The following PPIL4 variants were observed in gnomAD, a reference collection of about 807,000 sequenced individuals.
PPIL4 encodes the protein peptidylprolyl isomerase like 4.
Under a neutral mutation model 69.1 loss-of-function variants are expected in PPIL4, and 50 were observed. That is an observed-to-expected ratio of 0.72 (90% CI 0.58 to 0.92). PPIL4 has a LOEUF of 0.92. PPIL4 is among the 40% of genes least tolerant of loss of function. PPIL4 has a pLI of 0.00. For synonymous variants in PPIL4, 193 were observed against 191.6 expected, an observed-to-expected ratio of 1.01 and a Z score of -0.06; for missense variants, 480 against 587.9, an observed-to-expected ratio of 0.82 and a Z score of 1.90.
At position 149,504,724 on chromosome 6, in the gene PPIL4, T is replaced by TACA. The variant is rs1776741657; in HGVS notation, c.*726_*728dup. The TACA allele has an allele frequency of 1.3e-5, 2 of 152,180 alleles. No individual in the cohort carries two copies. Among genetic ancestry groups the TACA allele is most frequent in the Admixed American group, 6.5e-5 (1 of 15,278 alleles). The allele number at this position is 152,180 out of a possible 1,614,324, so 9.4% of individuals were successfully genotyped here. On this transcript the variant is annotated 3_prime_UTR_variant, in exon 13 of 13. Transcript: ENST00000253329. ...CAGTGCCAAGAGAGGTATAAACTAG[T>TACA]ACAGTCACTTCAGAACACAAATTTG...
intron 7 of PPIL4, among the ~76,000 whole-genome samples, chr6:149,528,153 G>T (rs147051063): frequency 1.8e-4 from 28 of 152,260 alleles, no homozygotes; most frequent in African/African-American, 6.7e-4. Context: ...TCAGAAGGTT[G>T]GATGGACTGC....
intron 1 of PPIL4, among the ~76,000 whole-genome samples, chr6:149,544,750 T>C (rs1350808117): frequency 1.3e-5 from 2 of 152,126 alleles, no homozygotes; most frequent in Non-Finnish European, 2.9e-5. Flanking sequence ...AGCAAAAGAA[T>C]GGTAACAATG....
Position 149,505,415 on chromosome 6 carries a change from G to A in PPIL4, c.*38C>T, listed in dbSNP as rs749724789. 20 of 1,581,672 alleles carry A rather than the reference G, an allele frequency of 1.3e-5. No homozygotes were observed. In the Admixed American group the frequency reaches 3.7e-4, roughly 29 times the overall value. On this transcript the variant is annotated 3_prime_UTR_variant, in exon 13 of 13. Transcript: ENST00000253329. ...CCTGGCACTCTTAAGTTAGACAAGA[G>A]TAAATATGTTAGCCTCTCAATTCTG...
At chr6:149,544,963 T>C (rs150157055) in intron 1 of PPIL4, among the ~76,000 whole-genome samples, 354 of 152,314 alleles carry the variant, frequency 2.3e-3, no homozygotes, top group African/African-American at 7.1e-3. Flanking sequence ...CTGACTCTGA[T>C]ACATTCTCCA....
intron 10 of PPIL4, 48 bp downstream of exon 10, chr6:149,521,012 C>CA (rs373268154): frequency 0.079 from 66,924 of 851,678 alleles, 3 homozygotes; most frequent in Non-Finnish European, 0.085. Context: ...GACTCCATCT[C>CA]AAAAAAAAAA....
intron 7 of PPIL4, 92 bp downstream of exon 7, chr6:149,533,366 C>T: frequency 2.9e-6 from 2 of 700,296 alleles, no homozygotes; most frequent in South Asian, 2.0e-5. Context: ...CAATTTTTAA[C>T]ATTTTAAGAC....
At chr6:149,545,814 G>C in intron 1 of PPIL4, 122 bp downstream of exon 1, 1 of 870,554 alleles carries the variant, frequency 1.1e-6, no homozygotes, top group South Asian at 1.6e-5. Flanking sequence ...GCCCAGTCGC[G>C]GGCACCAGCA....
At chr6:149,507,712 T>C (rs1328329152) in intron 12 of PPIL4, among the ~76,000 whole-genome samples, 1 of 152,228 alleles carries the variant, frequency 6.6e-6, no homozygotes, top group Non-Finnish European at 1.5e-5. Context: ...TTGAGGAAGC[T>C]GAATATTTGA....
At chr6:149,527,366 A>T (rs773160735) in intron 7 of PPIL4, among the ~76,000 whole-genome samples, 2 of 152,202 alleles carry the variant, frequency 1.3e-5, no homozygotes, top group Non-Finnish European at 2.9e-5. Context: ...ATAAACAAAT[A>T]AAATAAAGAC....
At chr6:149,517,105 TA>T (rs1776956462) in intron 11 of PPIL4, 1 of 288,570 alleles carries the variant, frequency 3.5e-6, no homozygotes, top group Non-Finnish European at 6.4e-6. Context: ...AAAGTATTAA[TA>T]AAAGAATTAG....
At chr6:149,513,960 G>T (rs1041018101) in intron 11 of PPIL4, among the ~76,000 whole-genome samples, 1 of 152,164 alleles carries the variant, frequency 6.6e-6, no homozygotes, top group African/African-American at 2.4e-5. Context: ...TTATGAGGAA[G>T]CCCAACAGGC....
rs1176460243 is a variant in PPIL4, at chr6:149,540,993, C to T, written c.270G>A (p.Lys90=). The T allele has an allele frequency of 2.0e-5, 33 of 1,612,872 alleles. No individual in the cohort carries two copies. The highest frequency in any genetic ancestry group is 2.6e-5 in the Non-Finnish European group (31 of 1,179,300). The change falls in exon 4 of 13, where the codon AAG becomes AAA. Residue 90 remains lysine (K), a synonymous_variant. Coordinates refer to ENST00000253329, the MANE Select transcript of PPIL4 (RefSeq NM_139126.4). ...TATTCACCATGGACACTGTGCCTTT[C>T]TTCTTGTGCTTAATTCTTGGGACTT... ...AEKVPRIKHK[K]KGTVSMVNNG... is the part of the protein sequence containing the mutation.
chr6:149,538,841 G>GTTTTCTTCCTTTTT (rs1445860243), intron 4 of PPIL4, among the ~76,000 whole-genome samples: 1 of 151,814 alleles, frequency 6.6e-6, no homozygotes, highest in Non-Finnish European at 1.5e-5. Context: ...AAACAAAGTG[G>GTTTTCTTCCTTTTT]TTTTCTTCCT....
rs1193810975 is a variant in PPIL4 at position 149,526,698 on chromosome 6, C to A, written c.757G>T (p.Asp253Tyr). 1.9e-6 allele frequency: 3 copies of A among 1,611,684 alleles called. No homozygotes were observed. The African/African-American group carries it at 4.0e-5, about 22-fold the overall frequency. The change falls in exon 8 of 13, where the codon GAT becomes TAT. Residue 253 changes from aspartate (D) to tyrosine (Y), a missense_variant. Transcript: ENST00000253329. ...FVCKLNPVTT[D>Y]EDLEIIFSRF... ...GAGAATATTATTTCCAGATCCTCAT[C>A]TGTGGTCACTGGGTTCAATTTACAC...
intron 12 of PPIL4, among the ~76,000 whole-genome samples, chr6:149,507,573 G>A (rs941389554): frequency 2.6e-5 from 4 of 152,106 alleles, no homozygotes; most frequent in African/African-American, 4.8e-5. Flanking sequence ...TTAAAATGCC[G>A]AGACTGCTGG....
At position 149,524,903 on chromosome 6, in the gene PPIL4, A is replaced by T. The variant is rs1004358838; in HGVS notation, c.870+240T>A. On this transcript the variant is annotated intron_variant, in intron 9 of 12. Coordinates refer to ENST00000253329, the MANE Select transcript of PPIL4 (RefSeq NM_139126.4). Reference sequence around the variant, plus strand: ...GCAACAGAGTGAGACCCTGTCTCAAAAAAAAAAAAAGTTCTAAAGATACTT... The same window carrying T: ...GCAACAGAGTGAGACCCTGTCTCAATAAAAAAAAAAGTTCTAAAGATACTT... Among the ~76,000 whole-genome samples the T allele has an allele frequency of 7.2e-5, 11 of 151,890 alleles. No homozygotes were observed. In the East Asian group the frequency reaches 1.5e-3, roughly 21 times the overall value.
At chr6:149,511,564 C>T (rs1480897847) in intron 12 of PPIL4, among the ~76,000 whole-genome samples, 1 of 152,136 alleles carries the variant, frequency 6.6e-6, no homozygotes, top group Non-Finnish European at 1.5e-5. Context: ...CGTGAGCCAC[C>T]GTACCCAGCC....
At chr6:149,523,782 G>T (rs149538483) in intron 9 of PPIL4, among the ~76,000 whole-genome samples, 46 of 151,880 alleles carry the variant, frequency 3.0e-4, no homozygotes, top group African/African-American at 9.4e-4. Context: ...TGCTACAAAT[G>T]AAATTTTATT....
chr6:149,516,059 A>AT (rs1207064826), intron 11 of PPIL4, among the ~76,000 whole-genome samples: 1 of 152,208 alleles, frequency 6.6e-6, no homozygotes, highest in Non-Finnish European at 1.5e-5. Context: ...AAGCTACACT[A>AT]TTCCATATAA....
Sources: gnomAD v4.1 joint callset for allele counts (sites outside exome capture counted in the v4.1 genomes callset) on GRCh38, gnomAD v4.1.1 for gene constraint, MANE v1.5 for transcripts, NCBI Gene and HGNC (gene_info 2026-07-23, HGNC 2026-07-21) for gene names.